The following SUPV3L1 variants were observed in gnomAD, a reference collection of about 807,000 sequenced individuals.
SUPV3L1 encodes the protein ATP-dependent RNA helicase SUPV3L1, mitochondrial.
Under a neutral mutation model 70.0 loss-of-function variants are expected in SUPV3L1, and 35 were observed. The observed-to-expected ratio is 0.50, with a 90% CI of 0.38 to 0.66. The LOEUF is 0.66. Among genes scored for constraint, SUPV3L1 ranks in the 30% least tolerant of loss-of-function variants. SUPV3L1 has a pLI of 0.00. For missense variants in SUPV3L1, 777 were observed against 961.5 expected (o/e 0.81, Z 2.54); for synonymous variants, 364 against 341.9 (o/e 1.06, Z -0.71).
intron 13 of SUPV3L1, among the ~76,000 whole-genome samples, chr10:69,205,175 G>A (rs1842791380): frequency 6.6e-6 from 1 of 152,188 alleles, no homozygotes; most frequent in African/African-American, 2.4e-5. Flanking sequence ...TAGAAAATAT[G>A]TTTCTTAGAG....
In SUPV3L1 at chr10:69,199,094, C is replaced by T. The variant is rs781609733; in HGVS notation, c.1205-10C>T. On this transcript the variant is annotated splice_polypyrimidine_tract_variant and intron_variant, in intron 9 of 14. Coordinates refer to ENST00000359655, the MANE Select transcript of SUPV3L1 (RefSeq NM_003171.5). ...GAACACTGATTTAACATAAATTGTT[C>T]TTGTTTTAGGGACCAAACTTGCTCA... 42 of 1,602,618 alleles carry T rather than the reference C, an allele frequency of 2.6e-5. No individual in the cohort carries two copies. The highest frequency in any genetic ancestry group is 3.4e-5 in the Non-Finnish European group (40 of 1,175,184).
At chr10:69,193,652 C>T (rs577335758) in intron 6 of SUPV3L1, among the ~76,000 whole-genome samples, 13 of 152,188 alleles carry the variant, frequency 8.5e-5, no homozygotes, top group East Asian at 1.9e-4. Context: ...TCAAGCAGTC[C>T]GCCTCGCCTC....
chr10:69,195,159 A>C, intron 6 of SUPV3L1, 29 bp from the exon 7 acceptor site: 2 of 1,559,984 alleles, frequency 1.3e-6, no homozygotes, highest in Non-Finnish European at 1.8e-6. Flanking sequence ...AGTAGATGGT[A>C]TTGCTCATGT....
At position 69,198,632 on chromosome 10, in the gene SUPV3L1, G is replaced by A. The variant is rs1228143634; in HGVS notation, c.1204+80G>A. The A allele has an allele frequency of 2.9e-6, 4 of 1,400,744 alleles. No homozygotes were observed. In the South Asian group the frequency reaches 5.2e-5, roughly 18 times the overall value. 86.8% of individuals were successfully genotyped at this position (1,400,744 alleles called of 1,614,324 possible). ...ATGTTGAGATATATATAAAAAAATGGTAAACAATATTGAATTAAGCTGCTT... is the reference window on the plus strand; with the variant it reads ...ATGTTGAGATATATATAAAAAAATGATAAACAATATTGAATTAAGCTGCTT... On this transcript the variant is annotated intron_variant, in intron 9 of 14. Transcript: ENST00000359655.
chr10:69,191,699 T>A lies in SUPV3L1; in HGVS notation c.786T>A (p.Val262=), dbSNP rs751576504. Residue 262 remains valine, a synonymous_variant, in exon 6 of 15, where the codon GTT becomes GTA. Transcript: ENST00000359655. ...TGACAGGTGAAGAGCGTGTGACAGTTCAGCCAAATGGGAAACAGGCTTCAC... is the reference window on the plus strand; with the variant it reads ...TGACAGGTGAAGAGCGTGTGACAGTACAGCCAAATGGGAAACAGGCTTCAC... The part of the protein sequence containing the change: ...DLVTGEERVT[V]QPNGKQASHV... 2.5e-6 allele frequency: 4 copies of A among 1,614,170 alleles called. No homozygotes were observed. The Admixed American group carries it at 6.7e-5, about 27-fold the overall frequency.
At chr10:69,201,029 C>CTT (rs977924178) in intron 11 of SUPV3L1, among the ~76,000 whole-genome samples, 3 of 152,174 alleles carry the variant, frequency 2.0e-5, no homozygotes, top group African/African-American at 4.8e-5. Context: ...GGAAAATTCA[C>CTT]TTACATGGCT....
chr10:69,202,361 C>G, intron 11 of SUPV3L1, 78 bp from the exon 12 acceptor site: 1 of 1,266,920 alleles, frequency 7.9e-7, no homozygotes, highest in Non-Finnish European at 1.1e-6. Flanking sequence ...GGGACTTTAT[C>G]GTGCAATAAC....
At chr10:69,184,769 A>G (rs1381018495) in intron 1 of SUPV3L1, among the ~76,000 whole-genome samples, 4 of 152,198 alleles carry the variant, frequency 2.6e-5, no homozygotes, top group South Asian at 2.1e-4. Flanking sequence ...GATTTCTTCA[A>G]TGAGTGTTGT....
At chr10:69,198,275 A>C (rs1312692528) in intron 8 of SUPV3L1, 97 bp from the exon 9 acceptor site, 1 of 1,078,192 alleles carries the variant, frequency 9.3e-7, no homozygotes, top group African/African-American at 1.6e-5. Context: ...ATCAGTTTTT[A>C]GCTACTCTTA....
At chr10:69,208,001 A>T (rs1348724033) in intron 14 of SUPV3L1, 60 bp downstream of exon 14, 3 of 1,572,148 alleles carry the variant, frequency 1.9e-6, no homozygotes, top group African/African-American at 2.7e-5. Context: ...TAAAGGTTTT[A>T]TGAATTTGTT....
chr10:69,208,744 C>T lies in SUPV3L1; in HGVS notation c.2070C>T (p.Gly690=), dbSNP rs369107457. The change falls in exon 15 of 15, where the codon GGC becomes GGT. Residue 690 remains glycine, a synonymous_variant. Coordinates refer to ENST00000359655, the MANE Select transcript of SUPV3L1 (RefSeq NM_003171.5). ...CGCATAAGCTGTTGAATTTGGAGGG[C>T]TTTCCATCAGGGAGCCAGTCACGAT... ...SETHKLLNLE[G]FPSGSQSRLS... is the part of the protein sequence containing the mutation. The T allele has an allele frequency of 3.1e-6, 5 of 1,614,044 alleles. No individual in the cohort carries two copies. The African/African-American group carries it at 4.0e-5, about 13-fold the overall frequency.
chr10:69,182,234 A>G (rs1842086339), intron 1 of SUPV3L1, among the ~76,000 whole-genome samples: 1 of 151,872 alleles, frequency 6.6e-6, no homozygotes, highest in Non-Finnish European at 1.5e-5. Flanking sequence ...GGCTCCAGGG[A>G]TCCTCCTGCC....
In SUPV3L1 at chr10:69,180,431, C is replaced by T; in HGVS notation, c.140C>T (p.Thr47Ile). ...CTGGGGCAAGTTTCTGTCCTTGCCA[C>T]CGCCTCCTCCTCTGCCTCCGGTGGC... is the stretch of plus-strand genomic sequence containing the variant. ...GVLGQVSVLA[T>I]ASSSASGGSK... is the part of the protein sequence containing the mutation. The change falls in exon 1 of 15, where the codon ACC becomes ATC. Residue 47 changes from threonine (T) to isoleucine (I), a missense_variant. Transcript: ENST00000359655. 8 of 1,614,264 alleles carry T rather than the reference C, an allele frequency of 5.0e-6. No homozygotes were observed. Among genetic ancestry groups the T allele is most frequent in the Non-Finnish European group, 6.8e-6 (8 of 1,180,042 alleles).
At position 69,203,098 on chromosome 10, in the gene SUPV3L1, C is replaced by G. The variant is rs1842727558; in HGVS notation, c.1776+55C>G. On this transcript the variant is annotated intron_variant, in intron 13 of 14. Transcript: ENST00000359655. ...TTCCTTCTGGTTGATGCAGGTTCCC[C>G]AAACAGTACTTTGTTATTCAAAATA... 3 of 1,513,210 alleles carry G rather than the reference C, an allele frequency of 2.0e-6. No individual in the cohort carries two copies. In the Admixed American group the frequency reaches 6.3e-5, roughly 32 times the overall value. The allele number at this position is 1,513,210 out of a possible 1,614,324, so 93.7% of individuals were successfully genotyped here.
chr10:69,203,002 A>G lies in SUPV3L1; in HGVS notation c.1735A>G (p.Ile579Val). The G allele has an allele frequency of 6.2e-7, 1 of 1,613,866 alleles. No individual in the cohort carries two copies. The highest frequency in any genetic ancestry group is 2.2e-5 in the East Asian group (1 of 44,870). ...RVRYVFCTAPINKKQPFVCSS... is the reference protein window; with the variant it reads ...RVRYVFCTAPVNKKQPFVCSS... ...GAGGTATGTTTTCTGCACAGCTCCT[A>G]TCAACAAGAAGCAGCCTTTTGTGTG... Residue 579 changes from isoleucine (I) to valine (V), a missense_variant, in exon 13 of 15, where the codon ATC becomes GTC. This residue lies in a region of SUPV3L1 where 619 missense variants were observed against 823.3 expected (regional missense o/e 0.75). Transcript: ENST00000359655.
rs767927096 is a variant in SUPV3L1 at position 69,187,723 on chromosome 10, G to A, written c.539G>A (p.Arg180His). 2.0e-5 allele frequency: 32 copies of A among 1,611,370 alleles called. No individual in the cohort carries two copies. The highest frequency in any genetic ancestry group is 1.1e-4 in the East Asian group (5 of 44,844). Residue 180 changes from arginine to histidine, a missense_variant, in exon 4 of 15, where the codon CGT becomes CAT. Coordinates refer to ENST00000359655, the MANE Select transcript of SUPV3L1 (RefSeq NM_003171.5). Reference protein sequence around the residue: ...FPVLDCKDDLRKISDLRIPPN... With the variant: ...FPVLDCKDDLHKISDLRIPPN... Reference sequence around the variant, plus strand: ...GTGTTGGACTGTAAGGATGATCTACGTAAAATCAGTGACTTAAGAATACCA... The same window carrying A: ...GTGTTGGACTGTAAGGATGATCTACATAAAATCAGTGACTTAAGAATACCA...
rs1842287959 is a variant in SUPV3L1, at chr10:69,188,222, C to G, written c.572+466C>G. ...CCTTGGCCAGGAATTCGCAGGGAAC[C>G]CCCACACAGACTTCTGGGCTCTCCT... On this transcript the variant is annotated intron_variant, in intron 4 of 14. Coordinates refer to ENST00000359655, the MANE Select transcript of SUPV3L1 (RefSeq NM_003171.5). Among the ~76,000 whole-genome samples, 7 of 152,262 alleles carry G rather than the reference C, an allele frequency of 4.6e-5. No homozygotes were observed. The South Asian group carries it at 1.5e-3, about 32-fold the overall frequency.
chr10:69,189,464 T>G, intron 5 of SUPV3L1, 29 bp downstream of exon 5: 1 of 1,547,410 alleles, frequency 6.5e-7, no homozygotes, highest in Non-Finnish European at 8.7e-7. Flanking sequence ...ATTTGCTCAT[T>G]TTTTTCTTAA....
chr10:69,192,035 G>A (rs1285030375), intron 6 of SUPV3L1: 1 of 216,850 alleles, frequency 4.6e-6, no homozygotes, highest in Non-Finnish European at 9.3e-6. Flanking sequence ...TCAAACTCCC[G>A]ACCTCAGGTG....
Sources: gnomAD v4.1 joint callset for allele counts (sites outside exome capture counted in the v4.1 genomes callset) on GRCh38, gnomAD v4.1.1 for gene constraint, gnomAD v4.1.1 regional missense constraint, MANE v1.5 for transcripts, NCBI Gene and HGNC (gene_info 2026-07-23, HGNC 2026-07-21) for gene names.